The following NLRP5 variants were observed in gnomAD, a reference collection of about 807,000 sequenced individuals.
NLRP5 encodes NLR family pyrin domain containing 5.
In NLRP5, 93 loss-of-function variants were observed where a neutral mutation model predicts 113.1. The ratio of observed to expected loss-of-function variants is 0.82; its 90% CI spans 0.70 to 0.98. The LOEUF (loss-of-function observed/expected upper bound fraction) is 0.98, where lower values mean the gene tolerates loss of function less well. Among genes scored for constraint, NLRP5 ranks in the 50% least tolerant of loss-of-function variants. The pLI is 0.00. For missense variants in NLRP5, 1,808 were observed against 1,514.3 expected (o/e 1.19, Z -3.22); for synonymous variants, 751 against 600.7 (o/e 1.25, Z -3.66).
chr19:56,022,967 C>T (rs1394910962), intron 6 of NLRP5, among the ~76,000 whole-genome samples: 1 of 152,132 alleles, frequency 6.6e-6, no homozygotes, highest in Non-Finnish European at 1.5e-5. Flanking sequence ...CTCAGGTGAT[C>T]CGCCTGCCTC....
intron 7 of NLRP5, among the ~76,000 whole-genome samples, chr19:56,029,450 G>A (rs1156813299): frequency 6.6e-6 from 1 of 151,478 alleles, no homozygotes; most frequent in South Asian, 2.1e-4. Context: ...ATTTTTAGTA[G>A]AGACAGGGTT....
chr19:56,059,352 T>C (rs1984268539), intron 14 of NLRP5, among the ~76,000 whole-genome samples: 6 of 152,100 alleles, frequency 3.9e-5, no homozygotes. Context: ...ATGTCTTCAG[T>C]GTTTAGTGGT....
chr19:56,007,914 T>TGCGC (rs1568483131), intron 2 of NLRP5, among the ~76,000 whole-genome samples: 1 of 29,554 alleles, frequency 3.4e-5, no homozygotes, highest in African/African-American at 7.0e-5. Context: ...CGTGTGTGTG[T>TGCGC]GTGTGTGTGT....
intron 7 of NLRP5, among the ~76,000 whole-genome samples, chr19:56,028,744 G>A (rs1982979230): frequency 6.6e-6 from 1 of 152,078 alleles, no homozygotes; most frequent in Admixed American, 6.6e-5. Context: ...AAAGGCTCTG[G>A]GGTTGAAACC....
At chr19:56,038,373 A>G (rs1392589374) in intron 10 of NLRP5, among the ~76,000 whole-genome samples, 178 bp downstream of exon 10, 1 of 152,186 alleles carries the variant, frequency 6.6e-6, no homozygotes, top group Non-Finnish European at 1.5e-5. Flanking sequence ...CCTGAAAAAC[A>G]TCTGTTCTTG....
upstream of NLRP5, among the ~76,000 whole-genome samples, chr19:55,998,713 T>C (rs1186772815): frequency 3.0e-3 from 372 of 122,090 alleles, 6 homozygotes; most frequent in Middle Eastern, 4.6e-3. Context: ...TGTGTGTGTG[T>C]GTATATATAT....
rs764071548 is a variant in NLRP5, at chr19:56,032,667, G to A, written c.2333G>A (p.Gly778Asp). ...TGGGAAGATTTCTGCTCCATGCTTG[G>A]CACCCACCCACACCTGCGGCAGCTG... is the stretch of plus-strand genomic sequence containing the variant. The change falls in exon 8 of 15, where the codon GGC becomes GAC. Residue 778 changes from glycine to aspartate, a missense_variant. Gly to Asp is a moderately conservative substitution (Grantham distance 94). Coordinates refer to ENST00000390649, the MANE Select transcript of NLRP5 (RefSeq NM_153447.4). The A allele has an allele frequency of 1.2e-6, 2 of 1,613,698 alleles. No homozygotes were observed. Among genetic ancestry groups the A allele is most frequent in the East Asian group, 4.5e-5 (2 of 44,868 alleles).
intron 3 of NLRP5, among the ~76,000 whole-genome samples, chr19:56,014,312 C>A (rs1275880795): frequency 6.6e-6 from 1 of 151,962 alleles, no homozygotes; most frequent in Non-Finnish European, 1.5e-5. Flanking sequence ...AACCCTGTCT[C>A]TACTAAAATA....
In NLRP5 at chr19:56,032,615, C is replaced by T. The variant is rs200002468; in HGVS notation, c.2281C>T (p.Arg761Trp). 1.4e-4 allele frequency: 230 copies of T among 1,610,238 alleles called. 1 individual carries two copies. Among genetic ancestry groups the T allele is most frequent in the East Asian group, 1.8e-4 (8 of 44,822 alleles). Residue 761 changes from arginine to tryptophan, a missense_variant, in exon 8 of 15, where the codon CGG becomes TGG. Coordinates refer to ENST00000390649, the MANE Select transcript of NLRP5 (RefSeq NM_153447.4). ...TTTCTATCCCCCCTGACATAGGATG[C>T]GGGATAAGACCCTCATTGAGGAGCA...
At chr19:56,005,891 T>G in intron 2 of NLRP5, among the ~76,000 whole-genome samples, 1 of 152,178 alleles carries the variant, frequency 6.6e-6, no homozygotes. Flanking sequence ...GGGTTCCCTA[T>G]GGCTGAAGCT....
intron 13 of NLRP5, 59 bp downstream of exon 13, chr19:56,053,867 A>T (rs386127): frequency 0.33 from 513,847 of 1,536,890 alleles, 86,884 homozygotes; most frequent in Admixed American, 0.45. Flanking sequence ...GGACCCCAGC[A>T]TGAGGTTGCT....
intron 14 of NLRP5, among the ~76,000 whole-genome samples, 168 bp downstream of exon 14, chr19:56,058,578 G>A (rs1027265499): frequency 1.3e-5 from 2 of 152,174 alleles, no homozygotes; most frequent in Non-Finnish European, 2.9e-5. Flanking sequence ...GGATGCTGGA[G>A]ATACAGGAAT....
intron 11 of NLRP5, among the ~76,000 whole-genome samples, chr19:56,042,763 C>T (rs904478109): frequency 6.6e-6 from 1 of 152,222 alleles, no homozygotes; most frequent in African/African-American, 2.4e-5. Flanking sequence ...CCATTCTTCC[C>T]CCAAAATCCC....
chr19:55,992,726 C>A, the NLRP5 span, among the ~76,000 whole-genome samples: 1 of 152,158 alleles, frequency 6.6e-6, no homozygotes, highest in Non-Finnish European at 1.5e-5. Flanking sequence ...GAGCAAATGG[C>A]CCCAAAGCCA....
chr19:56,022,411 G>C (rs923076412), intron 6 of NLRP5, among the ~76,000 whole-genome samples: 4 of 151,906 alleles, frequency 2.6e-5, no homozygotes, highest in South Asian at 2.1e-4. Context: ...TAGAAAGGAG[G>C]GGGCAGGGGG....
At chr19:56,009,537 T>C (rs1488021786) in intron 3 of NLRP5, among the ~76,000 whole-genome samples, 1 of 151,988 alleles carries the variant, frequency 6.6e-6, no homozygotes, top group Non-Finnish European at 1.5e-5. Flanking sequence ...ATTAGAGCAC[T>C]GACCTCATGC....
intron 7 of NLRP5, among the ~76,000 whole-genome samples, chr19:56,031,347 C>G (rs1461370153): frequency 1.3e-5 from 2 of 151,978 alleles, no homozygotes; most frequent in Non-Finnish European, 2.9e-5. Flanking sequence ...AATCATGAGC[C>G]CAGTGTATTG....
At chr19:56,013,529 TG>T (rs909130766) in intron 3 of NLRP5, among the ~76,000 whole-genome samples, 5 of 150,614 alleles carry the variant, frequency 3.3e-5, no homozygotes, top group African/African-American at 1.2e-4. Flanking sequence ...TAACTTTTTA[TG>T]GCTGAACAGT....
intron 6 of NLRP5, among the ~76,000 whole-genome samples, chr19:56,023,356 G>A (rs940644292): frequency 9.9e-5 from 15 of 152,086 alleles, no homozygotes; most frequent in Non-Finnish European, 1.6e-4. Flanking sequence ...TGTGCTTCCC[G>A]TGGTTTCAAC....
Sources: allele counts gnomAD v4.1 joint callset (sites outside exome capture counted in the v4.1 genomes callset), GRCh38; gene constraint gnomAD v4.1.1; transcripts MANE v1.5; gene names NCBI Gene and HGNC (gene_info 2026-07-23, HGNC 2026-07-21).